HSBP1: variants seen among roughly 807,000 people sequenced by gnomAD.
The protein encoded by HSBP1 is heat shock factor-binding protein 1.
Under a neutral mutation model 9.6 loss-of-function variants are expected in HSBP1, and 5 were observed. That is an observed-to-expected ratio of 0.52 (90% CI 0.27 to 1.09). The LOEUF (loss-of-function observed/expected upper bound fraction) is 1.09. Ranked by LOEUF, HSBP1 falls within the 50% of genes least tolerant of loss-of-function variation. HSBP1 has a pLI of 0.11. For synonymous variants in HSBP1, 42 were observed against 33.3 expected, an observed-to-expected ratio of 1.26 and a Z score of -0.90; for missense variants, 121 against 96.3, an observed-to-expected ratio of 1.26 and a Z score of -1.07.
rs1285240557 is a variant in HSBP1, at chr16:83,809,436, G to A, written c.*2+11G>A. The A allele has an allele frequency of 1.1e-5, 15 of 1,360,278 alleles. No homozygotes were observed. In the Admixed American group the frequency reaches 3.6e-4, roughly 32 times the overall value. 84.3% of individuals were successfully genotyped at this position (1,360,278 alleles called of 1,614,324 possible). Reference sequence around the variant, plus strand: ...GCAAAAGAGTTGAAGGTGAGGAAGGGGGCAATTTTTTTTTTCTTTTCTTTT... The same window carrying A: ...GCAAAAGAGTTGAAGGTGAGGAAGGAGGCAATTTTTTTTTTCTTTTCTTTT... On this transcript the variant is annotated intron_variant, in intron 3 of 3. Coordinates refer to ENST00000433866, the MANE Select transcript of HSBP1 (RefSeq NM_001537.4).
At position 83,813,393 on chromosome 16, in the gene HSBP1, A is replaced by C. The variant is rs1190159016; in HGVS notation, c.*1975A>C. On this transcript the variant is annotated 3_prime_UTR_variant, in exon 4 of 4. Transcript: ENST00000433866. Reference sequence around the variant, plus strand: ...TTTTCGAGGTCTCGCTCTGTTGCCCAGGCTGGAGTGCAGTGGCACAGTCAT... The same window carrying C: ...TTTTCGAGGTCTCGCTCTGTTGCCCCGGCTGGAGTGCAGTGGCACAGTCAT... 6.6e-6 allele frequency: 1 copy of C among 152,624 alleles called. No homozygotes were observed. The highest frequency in any genetic ancestry group is 6.5e-5 in the Admixed American group (1 of 15,290). The allele number at this position is 152,624 out of a possible 1,614,324, so 9.5% of individuals were successfully genotyped here. A position where few individuals can be genotyped will look rare whatever the true frequency, so the allele number is the denominator to read the frequency against.
At chr16:83,808,291 C>G in intron 1 of HSBP1, 170 bp downstream of exon 1, 1 of 598,844 alleles carries the variant, frequency 1.7e-6, no homozygotes. Flanking sequence ...CCGGGGCGCT[C>G]GGTGCGGGCC....
In HSBP1 at chr16:83,816,571, C is replaced by T. The variant is rs1046028605; in HGVS notation, c.*5153C>T. 2.6e-5 allele frequency: 4 copies of T among 152,136 alleles called. No individual in the cohort carries two copies. Among genetic ancestry groups the T allele is most frequent in the African/African-American group, 9.7e-5 (4 of 41,424 alleles). 9.4% of individuals were successfully genotyped at this position (152,136 alleles called of 1,614,324 possible). A position where few individuals can be genotyped will look rare whatever the true frequency, so the allele number is the denominator to read the frequency against. On this transcript the variant is annotated 3_prime_UTR_variant, in exon 4 of 4. Coordinates refer to ENST00000433866, the MANE Select transcript of HSBP1 (RefSeq NM_001537.4). ...ACCCCACTCCTGTGCCTAAAATGAT[C>T]CTGGCAAACAGGACCCGCATGATAG...
In HSBP1 at chr16:83,819,100, AGGG is replaced by A. The variant is rs1206586314; in HGVS notation, c.*7683_*7685del. 9 of 151,956 alleles carry A rather than the reference AGGG, an allele frequency of 5.9e-5. No individual in the cohort carries two copies. The highest frequency in any genetic ancestry group is 1.5e-5 in the Non-Finnish European group (1 of 67,994). 9.4% of individuals were successfully genotyped at this position (151,956 alleles called of 1,614,324 possible). On this transcript the variant is annotated 3_prime_UTR_variant, in exon 4 of 4. Coordinates refer to ENST00000433866, the MANE Select transcript of HSBP1 (RefSeq NM_001537.4). ...GCCTTCGGGCATCAACCTTGGGGCG[AGGG>A]TGTTGGGTTGCCCAACACCCTTTAG...
rs1055003590 is a variant in HSBP1, at chr16:83,815,529, G to C, written c.*4111G>C. ...CCTGTCTCAAAAAAAAAAAAAAAGG[G>C]CGGATCCTAACGCTTGGTCCTCACA... On this transcript the variant is annotated 3_prime_UTR_variant, in exon 4 of 4. Transcript: ENST00000433866. 3.3e-5 allele frequency: 5 copies of C among 151,522 alleles called. No individual in the cohort carries two copies. Among genetic ancestry groups the C allele is most frequent in the Non-Finnish European group, 7.4e-5 (5 of 67,898 alleles). The allele number at this position is 151,522 out of a possible 1,614,324, so 9.4% of individuals were successfully genotyped here.
chr16:83,808,615 C>G, intron 1 of HSBP1, 65 bp from the exon 2 acceptor site: 1 of 1,349,774 alleles, frequency 7.4e-7, no homozygotes, highest in Non-Finnish European at 1.0e-6. Flanking sequence ...GGGCTTGCGT[C>G]CTGATCCCAG....
chr16:83,809,721 G>C lies in HSBP1; in HGVS notation c.*2+296G>C, dbSNP rs139083167. On this transcript the variant is annotated intron_variant, in intron 3 of 3. Coordinates refer to ENST00000433866, the MANE Select transcript of HSBP1 (RefSeq NM_001537.4). ...GACCTTGAGTGATTTGCCCGCCTCA[G>C]CCTCTCAAAGTGCTGGGATTACAGG... 0.017 allele frequency among the ~76,000 whole-genome samples: 2,541 copies of C among 152,034 alleles called. 33 individuals are homozygous for C. Among genetic ancestry groups the C allele is most frequent in the Non-Finnish European group, 0.022 (1,512 of 67,938 alleles).
chr16:83,810,253 T>C (rs1904569520), intron 3 of HSBP1, among the ~76,000 whole-genome samples: 1 of 152,136 alleles, frequency 6.6e-6, no homozygotes, highest in African/African-American at 2.4e-5. Context: ...TTAAATTTCC[T>C]CTGAATAGTT....
At chr16:83,810,411 T>G (rs550476449) in intron 3 of HSBP1, among the ~76,000 whole-genome samples, 126 of 151,146 alleles carry the variant, frequency 8.3e-4, no homozygotes, top group African/African-American at 2.8e-3. Context: ...CTTGTTTCAT[T>G]TATAACATTT....
chr16:83,816,047 A>G lies in HSBP1; in HGVS notation c.*4629A>G, dbSNP rs1361015634. 4 of 152,204 alleles carry G rather than the reference A, an allele frequency of 2.6e-5. No homozygotes were observed. Among genetic ancestry groups the G allele is most frequent in the African/African-American group, 4.8e-5 (2 of 41,460 alleles). 9.4% of individuals were successfully genotyped at this position (152,204 alleles called of 1,614,324 possible). ...GTGGGATGTATTATTTCACATGGCA[A>G]GAAGTCCCAAGGGAGGGCAGCTCTG... On this transcript the variant is annotated 3_prime_UTR_variant, in exon 4 of 4. Coordinates refer to ENST00000433866, the MANE Select transcript of HSBP1 (RefSeq NM_001537.4).
chr16:83,809,358 A>G lies in HSBP1; in HGVS notation c.166A>G (p.Met56Val). ...TCTGGAAAAGAATATCGCGGACCTC[A>G]TGACACAGGCTGGGGTGGAAGAACT... is the stretch of plus-strand genomic sequence containing the variant. ...DDLEKNIADL[M>V]TQAGVEELES... The change falls in exon 3 of 4, where the codon ATG (methionine) becomes GTG (valine). Residue 56 changes from methionine to valine, a missense_variant. Transcript: ENST00000433866. 1.2e-6 allele frequency: 2 copies of G among 1,605,086 alleles called. No individual in the cohort carries two copies. The highest frequency in any genetic ancestry group is 1.1e-5 in the South Asian group (1 of 88,902).
At chr16:83,810,389 A>T (rs892546550) in intron 3 of HSBP1, among the ~76,000 whole-genome samples, 2 of 151,816 alleles carry the variant, frequency 1.3e-5, no homozygotes, top group African/African-American at 4.8e-5. Flanking sequence ...TAAGTTTTAG[A>T]CTCACTTTTC....
rs1310616761 is a variant in HSBP1 at position 83,815,523 on chromosome 16, A to AAAG, written c.*4107_*4108insGAA. The AAAG allele has an allele frequency of 1.3e-5, 2 of 151,686 alleles. No homozygotes were observed. Among genetic ancestry groups the AAAG allele is most frequent in the African/African-American group, 2.4e-5 (1 of 41,200 alleles). The allele number at this position is 151,686 out of a possible 1,614,324, so 9.4% of individuals were successfully genotyped here. ...CAAGACCCTGTCTCAAAAAAAAAAA[A>AAAG]AAAGGGCGGATCCTAACGCTTGGTC... On this transcript the variant is annotated 3_prime_UTR_variant, in exon 4 of 4. Coordinates refer to ENST00000433866, the MANE Select transcript of HSBP1 (RefSeq NM_001537.4).
chr16:83,818,795 A>T lies in HSBP1; in HGVS notation c.*7377A>T, dbSNP rs186990124. ...TGCTCTCTACTGGGACTTGTTTTCC[A>T]TAATTGGTCTGAGAACAACAGATTT... On this transcript the variant is annotated 3_prime_UTR_variant, in exon 4 of 4. Coordinates refer to ENST00000433866, the MANE Select transcript of HSBP1 (RefSeq NM_001537.4). 10 of 152,324 alleles carry T rather than the reference A, an allele frequency of 6.6e-5. No individual in the cohort carries two copies. Among genetic ancestry groups the T allele is most frequent in the Admixed American group, 6.5e-4 (10 of 15,302 alleles). The allele number at this position is 152,324 out of a possible 1,614,324, so 9.4% of individuals were successfully genotyped here.
At chr16:83,809,016 T>G in intron 2 of HSBP1, 1 of 550,440 alleles carries the variant, frequency 1.8e-6, no homozygotes, top group Non-Finnish European at 3.2e-6. Context: ...TGTGTGTGTC[T>G]TTTGATGCTC....
chr16:83,818,824 T>C lies in HSBP1; in HGVS notation c.*7406T>C, dbSNP rs1204288564. The C allele has an allele frequency of 6.6e-6, 1 of 152,358 alleles. No individual in the cohort carries two copies. Among genetic ancestry groups the C allele is most frequent in the East Asian group, 1.9e-4 (1 of 5,186 alleles). The allele number at this position is 152,358 out of a possible 1,614,324, so 9.4% of individuals were successfully genotyped here. A position where few individuals can be genotyped will look rare whatever the true frequency, so the allele number is the denominator to read the frequency against. On this transcript the variant is annotated 3_prime_UTR_variant, in exon 4 of 4. Transcript: ENST00000433866. The stretch of plus-strand genomic sequence containing the variant: ...TTGGTCTGAGAACAACAGATTTTTT[T>C]CTTTTTTGCCTCGGATTTCAACAAA...
chr16:83,813,724 G>A lies in HSBP1; in HGVS notation c.*2306G>A, dbSNP rs966405529. The A allele has an allele frequency of 6.6e-6, 1 of 152,160 alleles. No individual in the cohort carries two copies. Among genetic ancestry groups the A allele is most frequent in the Admixed American group, 6.5e-5 (1 of 15,268 alleles). The allele number at this position is 152,160 out of a possible 1,614,324, so 9.4% of individuals were successfully genotyped here. Reference sequence around the variant, plus strand: ...GGGCTGAACAATACAGATGAGTATGGGGGCCCTCGCACCAAGGAAAACAGC... The same window carrying A: ...GGGCTGAACAATACAGATGAGTATGAGGGCCCTCGCACCAAGGAAAACAGC... On this transcript the variant is annotated 3_prime_UTR_variant, in exon 4 of 4. Transcript: ENST00000433866.
intron 3 of HSBP1, among the ~76,000 whole-genome samples, chr16:83,809,832 CA>C (rs1397911332): frequency 6.6e-6 from 1 of 152,044 alleles, no homozygotes; most frequent in African/African-American, 2.4e-5. Flanking sequence ...TGTAGTCAGA[CA>C]TTCTGTAGAT....
In HSBP1 at chr16:83,813,768, C is replaced by T. The variant is rs1337141787; in HGVS notation, c.*2350C>T. 1 of 152,200 alleles carries T rather than the reference C, an allele frequency of 6.6e-6. No individual in the cohort carries two copies. Among genetic ancestry groups the T allele is most frequent in the Non-Finnish European group, 1.5e-5 (1 of 68,056 alleles). The allele number at this position is 152,200 out of a possible 1,614,324, so 9.4% of individuals were successfully genotyped here. A position where few individuals can be genotyped will look rare whatever the true frequency, so the allele number is the denominator to read the frequency against. On this transcript the variant is annotated 3_prime_UTR_variant, in exon 4 of 4. Coordinates refer to ENST00000433866, the MANE Select transcript of HSBP1 (RefSeq NM_001537.4). ...AAACAGCGTTACATTTAATTAAGTG[C>T]CCTGTCTCAAACCCCAAGGCCCCAC...
Sources: allele counts gnomAD v4.1 joint callset (sites outside exome capture counted in the v4.1 genomes callset), GRCh38; gene constraint gnomAD v4.1.1; transcripts MANE v1.5; gene names NCBI Gene and HGNC (gene_info 2026-07-23, HGNC 2026-07-21).